CCDC186: variants seen among roughly 807,000 people sequenced by gnomAD.
CCDC186 encodes the protein coiled-coil domain-containing protein 186.
A neutral mutation model predicts 113.7 loss-of-function variants in CCDC186; 49 were observed. The ratio of observed to expected loss-of-function variants is 0.43; its 90% confidence interval spans 0.34 to 0.55. CCDC186 has a LOEUF of 0.55. Among genes scored for constraint, CCDC186 ranks in the 20% least tolerant of loss-of-function variants. CCDC186 has a pLI of 0.02. For missense variants in CCDC186, 890 were observed against 1,011.1 expected (o/e 0.88, Z 1.62); for synonymous variants, 355 against 345.8 (o/e 1.03, Z -0.30).
chr10:114,152,255 T>C (rs975068868), intron 3 of CCDC186, among the ~76,000 whole-genome samples: 6 of 151,818 alleles, frequency 4.0e-5, no homozygotes, highest in African/African-American at 1.5e-4. Flanking sequence ...GGCAGGAAGA[T>C]TGCTAGAGCC....
At position 114,163,236 on chromosome 10, in the gene CCDC186, G is replaced by A. The variant is rs371030524; in HGVS notation, c.33C>T (p.Ser11=). 2 of 1,612,660 alleles carry A rather than the reference G, an allele frequency of 1.2e-6. No homozygotes were observed. Among genetic ancestry groups the A allele is most frequent in the Non-Finnish European group, 8.5e-7 (1 of 1,179,996 alleles). The part of the protein sequence containing the change: MSETDHIAST[S]SDKNVGKTPE... The stretch of plus-strand genomic sequence containing the variant: ...GTGTTTTCCCAACATTTTTATCAGA[G>A]GAAGTAGAGGCTATGTGGTCTGTCT... Residue 11 remains serine, a synonymous_variant, in exon 2 of 16, where the codon TCC becomes TCT. Coordinates refer to ENST00000369287, the MANE Select transcript of CCDC186 (RefSeq NM_018017.4).
chr10:114,126,527 T>G (rs1385685101), intron 14 of CCDC186, among the ~76,000 whole-genome samples: 1 of 152,098 alleles, frequency 6.6e-6, no homozygotes, highest in African/African-American at 2.4e-5. Flanking sequence ...TGAATAATTT[T>G]TTTTTTGAGA....
chr10:114,131,923 A>G lies in CCDC186; in HGVS notation c.1911+6T>C. On this transcript the variant is annotated splice_donor_region_variant and intron_variant, in intron 11 of 15. Transcript: ENST00000369287. ...TGTTTTAAAAAAAATGTAAATTTAT[A>G]CTTACCAAATTAATATTTGTCTGTT... 1 of 1,594,432 alleles carries G rather than the reference A, an allele frequency of 6.3e-7. No individual in the cohort carries two copies. Among genetic ancestry groups the G allele is most frequent in the Non-Finnish European group, 8.6e-7 (1 of 1,169,558 alleles).
At chr10:114,139,844 T>C (rs960828559) in intron 6 of CCDC186, among the ~76,000 whole-genome samples, 3 of 152,324 alleles carry the variant, frequency 2.0e-5, no homozygotes, top group Admixed American at 1.3e-4. Flanking sequence ...TACTATATCA[T>C]TAATAACTAA....
intron 1 of CCDC186, among the ~76,000 whole-genome samples, chr10:114,169,234 CTTTTT>C (rs34677282): frequency 6.2e-5 from 6 of 97,502 alleles, no homozygotes; most frequent in Non-Finnish European, 1.2e-4. Context: ...TAGTACCATT[CTTTTT>C]TTTTTTTTTT....
rs2119818534 is a variant in CCDC186 at position 114,163,111 on chromosome 10, A to G, written c.158T>C (p.Leu53Ser). The G allele has an allele frequency of 6.2e-7, 1 of 1,613,952 alleles. No homozygotes were observed. The highest frequency in any genetic ancestry group is 8.5e-7 in the Non-Finnish European group (1 of 1,179,950). The change falls in exon 2 of 16, where the codon TTA becomes TCA. Residue 53 changes from leucine to serine, a missense_variant. Physicochemically the swap from Leu to Ser is moderately radical, Grantham distance 145. Coordinates refer to ENST00000369287, the MANE Select transcript of CCDC186 (RefSeq NM_018017.4). Reference sequence around the variant, plus strand: ...ATTATTATGCTCATTAGGTTGACATAAAGTTTTATCAGTGTTTAATGACAA... The same window carrying G: ...ATTATTATGCTCATTAGGTTGACATGAAGTTTTATCAGTGTTTAATGACAA... ...KLLSLNTDKT[L>S]CQPNEHNNRI...
rs149809810 is a variant in CCDC186 at position 114,125,911 on chromosome 10, G to A, written c.2588C>T (p.Thr863Met). ...CTTCAAAGTAATATTTTTTAGTAAC[G>A]TATCCTCCAAAACAGCCTGTAATTT... ...NRKLQAVLED[T>M]LLKNITLKEN... Residue 863 changes from threonine to methionine, a missense_variant, in exon 15 of 16, where the codon ACG becomes ATG. By Grantham distance (81) the Thr-to-Met change is moderately conservative. Transcript: ENST00000369287. The A allele has an allele frequency of 1.1e-4, 173 of 1,613,612 alleles. No homozygotes were observed. Among genetic ancestry groups the A allele is most frequent in the Non-Finnish European group, 1.3e-4 (154 of 1,179,774 alleles).
chr10:114,145,432 A>G, intron 5 of CCDC186, 117 bp downstream of exon 5: 2 of 953,882 alleles, frequency 2.1e-6, no homozygotes, highest in Non-Finnish European at 3.0e-6. Flanking sequence ...ACTAATAAAA[A>G]CAACTTTACG....
chr10:114,150,491 A>G (rs1257639852), intron 4 of CCDC186, among the ~76,000 whole-genome samples: 1 of 152,222 alleles, frequency 6.6e-6, no homozygotes, highest in African/African-American at 2.4e-5. Context: ...GTAGTAAGAT[A>G]CATAATCAAA....
chr10:114,126,095 T>A lies in CCDC186; in HGVS notation c.2404A>T (p.Ser802Cys). Residue 802 changes from serine to cysteine, a missense_variant, in exon 15 of 16, where the codon AGT becomes TGT. Physicochemically the swap from Ser to Cys is moderately radical, Grantham distance 112. Coordinates refer to ENST00000369287, the MANE Select transcript of CCDC186 (RefSeq NM_018017.4). ...EIRKKTKIIQ[S>C]YILREESGTL... The stretch of plus-strand genomic sequence containing the variant: ...CCTGATTCTTCTCGTAAAATATAAC[T>A]TTGAATTATTCTGCAAAACAAAATG... 6.2e-7 allele frequency: 1 copy of A among 1,613,498 alleles called. No individual in the cohort carries two copies. The highest frequency in any genetic ancestry group is 1.1e-5 in the South Asian group (1 of 91,070).
intron 2 of CCDC186, 167 bp downstream of exon 2, chr10:114,162,470 A>G: frequency 3.8e-6 from 2 of 532,518 alleles, no homozygotes; most frequent in Non-Finnish European, 6.4e-6. Flanking sequence ...AAAACTCGAC[A>G]TTTGCTCACA....
intron 4 of CCDC186, among the ~76,000 whole-genome samples, chr10:114,147,591 AT>A (rs2031684710): frequency 6.6e-6 from 1 of 152,202 alleles, no homozygotes; most frequent in Admixed American, 6.5e-5. Context: ...GAAAGTAGTT[AT>A]AAAAACAAAA....
At chr10:114,135,114 T>G in intron 9 of CCDC186, 59 bp from the exon 10 acceptor site, 2 of 1,494,064 alleles carry the variant, frequency 1.3e-6, no homozygotes, top group Non-Finnish European at 1.8e-6. Context: ...ATAAACTATT[T>G]TGTATAGTGG....
intron 1 of CCDC186, among the ~76,000 whole-genome samples, chr10:114,171,154 G>A (rs1589637296): frequency 6.6e-6 from 1 of 152,204 alleles, no homozygotes; most frequent in African/African-American, 2.4e-5. Context: ...AACATGAAAA[G>A]TATTATCAGC....
chr10:114,150,376 G>A (rs933981287), intron 4 of CCDC186, among the ~76,000 whole-genome samples: 5 of 152,060 alleles, frequency 3.3e-5, no homozygotes, highest in African/African-American at 1.2e-4. Flanking sequence ...TATTAAGTAT[G>A]GGAAAAAAGG....
intron 13 of CCDC186, among the ~76,000 whole-genome samples, chr10:114,128,766 A>T (rs951986832): frequency 6.6e-5 from 10 of 152,160 alleles, no homozygotes; most frequent in African/African-American, 2.4e-4. Context: ...TATAGACTCT[A>T]CCCATTTTTA....
chr10:114,142,981 A>C (rs1013085947), intron 6 of CCDC186, among the ~76,000 whole-genome samples: 9 of 152,234 alleles, frequency 5.9e-5, no homozygotes, highest in African/African-American at 4.8e-5. Context: ...ACACTCTTTG[A>C]AAGTAACGAC....
rs974475657 is a variant in CCDC186 at position 114,134,992 on chromosome 10, T to G, written c.1576A>C (p.Ile526Leu). 1.1e-5 allele frequency: 18 copies of G among 1,612,216 alleles called. No homozygotes were observed. Among genetic ancestry groups the G allele is most frequent in the Non-Finnish European group, 1.5e-5 (18 of 1,179,440 alleles). ...EDELSKYKEI[I>L]NRQKAEIQNL... Reference sequence around the variant, plus strand: ...TGAATTTCAGCTTTTTGGCGATTAATAATTTCCTTATATTTTGATAATTCA... The same window carrying G: ...TGAATTTCAGCTTTTTGGCGATTAAGAATTTCCTTATATTTTGATAATTCA... Residue 526 changes from isoleucine to leucine, a missense_variant, in exon 10 of 16, where the codon ATT (isoleucine) becomes CTT (leucine). Physicochemically the swap from Ile to Leu is conservative, Grantham distance 5. Transcript: ENST00000369287.
intron 4 of CCDC186, among the ~76,000 whole-genome samples, chr10:114,147,946 T>C (rs1450514960): frequency 6.6e-6 from 1 of 151,892 alleles, no homozygotes; most frequent in Non-Finnish European, 1.5e-5. Flanking sequence ...CTGGACAACA[T>C]GGCAAAATCC....
Sources: gnomAD v4.1 joint callset for allele counts (sites outside exome capture counted in the v4.1 genomes callset) on GRCh38, gnomAD v4.1.1 for gene constraint, MANE v1.5 for transcripts, NCBI Gene and HGNC (gene_info 2026-07-23, HGNC 2026-07-21) for gene names.